PTGER3: variants seen among roughly 807,000 people sequenced by gnomAD.
PTGER3 encodes prostaglandin E2 receptor EP3 subtype.
Under a neutral mutation model 34.7 loss-of-function variants are expected in PTGER3, and 22 were observed. The observed-to-expected ratio is 0.63, with a 90% CI of 0.45 to 0.91. The LOEUF is 0.91. PTGER3 is among the 40% of genes least tolerant of loss of function. The probability of loss-of-function intolerance (pLI) is 0.00; values close to 1 mark genes in which losing one functional copy is unlikely to be tolerated. For missense variants in PTGER3, 468 were observed against 519.4 expected (o/e 0.90, Z 0.96); for synonymous variants, 241 against 230.1 (o/e 1.05, Z -0.43).
intron 2 of PTGER3, among the ~76,000 whole-genome samples, chr1:70,982,842 T>C (rs1285064756): frequency 6.6e-6 from 1 of 152,096 alleles, no homozygotes; most frequent in East Asian, 1.9e-4. Flanking sequence ...CGGTAAAGAC[T>C]CATAAATAGG....
chr1:71,043,441 T>C (rs1346783218), intron 1 of PTGER3, among the ~76,000 whole-genome samples: 1 of 152,220 alleles, frequency 6.6e-6, no homozygotes, highest in East Asian at 1.9e-4. Context: ...CTTGTAGCTG[T>C]TGGGACATTT....
chr1:70,952,905 T>G (rs1334267213), exon 4 of PTGER3: 3 of 1,603,080 alleles, frequency 1.9e-6, no homozygotes, highest in Non-Finnish European at 8.5e-7. Flanking sequence ...ATTTTCTTCA[T>G]GTTATTCTGT....
chr1:70,990,128 C>A (rs555285826), intron 2 of PTGER3, among the ~76,000 whole-genome samples: 2 of 151,508 alleles, frequency 1.3e-5, no homozygotes, highest in African/African-American at 2.4e-5. Context: ...CCGAGTTGGG[C>A]GGATCACGAG....
At chr1:71,025,887 G>T (rs1658886108) in intron 1 of PTGER3, among the ~76,000 whole-genome samples, 1 of 152,202 alleles carries the variant, frequency 6.6e-6, no homozygotes, top group African/African-American at 2.4e-5. Flanking sequence ...TTCCTGTCAT[G>T]ATTAGGAAAT....
At position 71,012,419 on chromosome 1, in the gene PTGER3, C is replaced by T. The variant is rs780672541; in HGVS notation, c.963G>A (p.Lys321=). ...SVEHCKTHTE[K]QKECNFFLIA... ...TTAAGAAGAAGTTGCATTCTTTCTG[C>T]TTCTCCGTGTGTGTCTTGCAGTGCT... Residue 321 remains lysine, a synonymous_variant, in exon 2 of 4, where the codon AAG becomes AAA. Coordinates refer to ENST00000306666, the MANE Select transcript of PTGER3 (RefSeq NM_198719.2). 110 of 1,614,048 alleles carry T rather than the reference C, an allele frequency of 6.8e-5. No individual in the cohort carries two copies. The South Asian group carries it at 1.2e-3, about 17-fold the overall frequency.
At chr1:70,962,864 C>T (rs1250382987) in intron 2 of PTGER3, among the ~76,000 whole-genome samples, 1 of 152,184 alleles carries the variant, frequency 6.6e-6, no homozygotes, top group African/African-American at 2.4e-5. Flanking sequence ...CCAACACTCC[C>T]CCAAAGTCTT....
At chr1:70,982,393 T>C (rs1371964935) in intron 2 of PTGER3, among the ~76,000 whole-genome samples, 1 of 152,124 alleles carries the variant, frequency 6.6e-6, no homozygotes, top group Non-Finnish European at 1.5e-5. Context: ...ACAGATCTAC[T>C]GTCAGATTTG....
At chr1:70,922,688 A>C (rs935267103) in intron 4 of PTGER3, among the ~76,000 whole-genome samples, 23 of 152,330 alleles carry the variant, frequency 1.5e-4, no homozygotes, top group African/African-American at 4.1e-4. Context: ...CTAAAAAAAA[A>C]CCAGTTCTAT....
intron 1 of PTGER3, among the ~76,000 whole-genome samples, chr1:71,035,364 A>G (rs533425003): frequency 1.3e-4 from 20 of 152,192 alleles, no homozygotes; most frequent in Non-Finnish European, 2.5e-4. Flanking sequence ...ATGTACTTCT[A>G]CAAAAACAGA....
At chr1:70,922,446 C>T (rs868070753) in intron 4 of PTGER3, among the ~76,000 whole-genome samples, 2 of 152,218 alleles carry the variant, frequency 1.3e-5, no homozygotes, top group South Asian at 2.1e-4. Context: ...TCATAAAATG[C>T]CACTATGGCT....
chr1:70,990,386 C>CATAT (rs34834591), intron 2 of PTGER3, among the ~76,000 whole-genome samples: 6,737 of 131,016 alleles, frequency 0.051, 243 homozygotes, highest in East Asian at 0.11. Flanking sequence ...CACACACACA[C>CATAT]ATATATATAT....
intron 1 of PTGER3, 26 bp from the exon 2 acceptor site, chr1:71,012,510 T>C: frequency 6.3e-7 from 1 of 1,596,164 alleles, no homozygotes. Context: ...AAATAATTGT[T>C]TCAAAGATTA....
At chr1:71,005,548 T>A (rs1656878821) in intron 2 of PTGER3, among the ~76,000 whole-genome samples, 1 of 152,210 alleles carries the variant, frequency 6.6e-6, no homozygotes, top group African/African-American at 2.4e-5. Context: ...GGTTATAAAT[T>A]CACTGAGAGC....
At chr1:71,046,146 G>T (rs1242583760) in intron 1 of PTGER3, among the ~76,000 whole-genome samples, 2 of 151,474 alleles carry the variant, frequency 1.3e-5, no homozygotes, top group East Asian at 3.9e-4. Context: ...TTAGCCGGGC[G>T]TGGTGGCGGG....
intron 4 of PTGER3, among the ~76,000 whole-genome samples, chr1:70,937,176 T>C (rs1483359659): frequency 6.6e-6 from 1 of 152,184 alleles, no homozygotes; most frequent in Non-Finnish European, 1.5e-5. Flanking sequence ...ATTATAAGCA[T>C]AGTGAATTTT....
intron 4 of PTGER3, among the ~76,000 whole-genome samples, chr1:70,870,248 C>A (rs77373788): frequency 0.038 from 5,792 of 152,274 alleles, 239 homozygotes; most frequent in East Asian, 0.13. Flanking sequence ...AGTGCTGGAG[C>A]AGCCAGGATG....
At chr1:70,862,546 TAGAA>T in intron 4 of PTGER3, 1 of 371,494 alleles carries the variant, frequency 2.7e-6, no homozygotes. Context: ...GGCTTTGACT[TAGAA>T]AGCTCAAGGA....
chr1:70,938,273 C>A (rs952951159), intron 4 of PTGER3, among the ~76,000 whole-genome samples: 1 of 152,124 alleles, frequency 6.6e-6, no homozygotes, highest in African/African-American at 2.4e-5. Context: ...GCCTGAGTAC[C>A]AGACTAGACA....
chr1:70,917,954 C>T (rs1173846641), intron 4 of PTGER3, among the ~76,000 whole-genome samples: 2 of 151,940 alleles, frequency 1.3e-5, no homozygotes, highest in Non-Finnish European at 2.9e-5. Context: ...ATATTAATGC[C>T]TTGTCAGGTG....
Sources: allele counts gnomAD v4.1 joint callset (sites outside exome capture counted in the v4.1 genomes callset), GRCh38; gene constraint gnomAD v4.1.1; transcripts MANE v1.5; gene names NCBI Gene and HGNC (gene_info 2026-07-23, HGNC 2026-07-21).